SPEF2: variants seen among roughly 807,000 people sequenced by gnomAD.
SPEF2 encodes the protein sperm flagellar and cilia associated 2.
Under a neutral mutation model 224.6 loss-of-function variants are expected in SPEF2, and 187 were observed. The ratio of observed to expected loss-of-function variants is 0.83; its 90% confidence interval spans 0.74 to 0.94. The LOEUF (loss-of-function observed/expected upper bound fraction) is 0.94, where lower values mean the gene tolerates loss of function less well. Among genes scored for constraint, SPEF2 ranks in the 40% least tolerant of loss-of-function variants. The pLI is 0.00. For missense variants in SPEF2, 2,170 were observed against 2,135.6 expected (o/e 1.02, Z -0.32); for synonymous variants, 715 against 707.3 (o/e 1.01, Z -0.17).
rs1397489754 is a variant in SPEF2, at chr5:35,679,949, G to A, written c.1524+9722G>A. Among the ~76,000 whole-genome samples, 4 of 151,968 alleles carry A rather than the reference G, an allele frequency of 2.6e-5. No homozygotes were observed. The East Asian group carries it at 7.7e-4, about 29-fold the overall frequency. ...TGTGAATATAGTCAATGTTCTCAAGGGATTTATTTTTCCCTAAATGATGTT... is the reference window on the plus strand; with the variant it reads ...TGTGAATATAGTCAATGTTCTCAAGAGATTTATTTTTCCCTAAATGATGTT... On this transcript the variant is annotated intron_variant, in intron 10 of 36. Coordinates refer to ENST00000356031, the MANE Select transcript of SPEF2 (RefSeq NM_024867.4).
chr5:35,808,561 C>G (rs1758335294), intron 36 of SPEF2, among the ~76,000 whole-genome samples: 1 of 151,866 alleles, frequency 6.6e-6, no homozygotes, highest in Non-Finnish European at 1.5e-5. Flanking sequence ...CATCCATGTC[C>G]CTATGAAGGA....
rs944905969 is a variant in SPEF2 at position 35,622,255 on chromosome 5, C to A, written c.58+4200C>A. 3.9e-5 allele frequency among the ~76,000 whole-genome samples: 6 copies of A among 152,012 alleles called. 1 individual carries two copies. ...GAGTGATATTTTCTACTCTTTGTCC[C>A]AAAGTTGAGGGGTATCCTCTCATGC... On this transcript the variant is annotated intron_variant, in intron 1 of 36. Coordinates refer to ENST00000356031, the MANE Select transcript of SPEF2 (RefSeq NM_024867.4).
At chr5:35,696,724 G>A (rs1296938818) in intron 14 of SPEF2, among the ~76,000 whole-genome samples, 2 of 152,170 alleles carry the variant, frequency 1.3e-5, no homozygotes, top group Non-Finnish European at 2.9e-5. Context: ...TGAAGATGAT[G>A]ATGAGTGTCA....
chr5:35,647,358 T>C (rs886271824), intron 5 of SPEF2, among the ~76,000 whole-genome samples: 2 of 150,730 alleles, frequency 1.3e-5, no homozygotes, highest in African/African-American at 4.9e-5. Context: ...AGAGAGAAGG[T>C]GCCAGGTTCT....
At chr5:35,740,392 A>G (rs1747410094) in intron 23 of SPEF2, 125 bp downstream of exon 23, 1 of 1,253,270 alleles carries the variant, frequency 8.0e-7, no homozygotes, top group Non-Finnish European at 1.1e-6. Flanking sequence ...GGTTTGAACT[A>G]TTAACCAGGT....
chr5:35,703,982 G>GT (rs1739225652), intron 16 of SPEF2, among the ~76,000 whole-genome samples: 1 of 151,980 alleles, frequency 6.6e-6, no homozygotes, highest in Admixed American at 6.6e-5. Flanking sequence ...TTCTAAATTG[G>GT]TAAGTATTCT....
At chr5:35,742,458 T>C (rs534242052) in intron 23 of SPEF2, among the ~76,000 whole-genome samples, 12 of 152,186 alleles carry the variant, frequency 7.9e-5, no homozygotes, top group African/African-American at 2.2e-4. Context: ...TAACAGATTA[T>C]GCAAATATCA....
intron 6 of SPEF2, among the ~76,000 whole-genome samples, chr5:35,652,118 CA>C (rs1198749270): frequency 6.6e-6 from 1 of 152,034 alleles, no homozygotes; most frequent in Non-Finnish European, 1.5e-5. Context: ...GTCTGGCAAG[CA>C]AACAGATAAA....
chr5:35,766,654 T>C (rs2149769159), intron 26 of SPEF2, among the ~76,000 whole-genome samples: 2 of 152,004 alleles, frequency 1.3e-5, no homozygotes, highest in Non-Finnish European at 2.9e-5. Context: ...CTTTTCTTAA[T>C]ATCATATTTT....
intron 13 of SPEF2, among the ~76,000 whole-genome samples, 177 bp from the exon 14 acceptor site, chr5:35,695,558 G>T (rs986245326): frequency 3.9e-5 from 6 of 152,010 alleles, no homozygotes; most frequent in African/African-American, 1.4e-4. Flanking sequence ...GGATCTTAAT[G>T]GTGTGAGTGA....
intron 29 of SPEF2, 101 bp downstream of exon 29, chr5:35,776,496 A>T: frequency 7.1e-7 from 1 of 1,406,360 alleles, no homozygotes. Context: ...TTAGTTACAA[A>T]TATAAATTTT....
chr5:35,769,204 G>A (rs747553239), intron 26 of SPEF2, among the ~76,000 whole-genome samples: 22 of 151,976 alleles, frequency 1.4e-4, no homozygotes, highest in Non-Finnish European at 3.1e-4. Flanking sequence ...TGTTTACAAG[G>A]GAGAAAAATC....
intron 7 of SPEF2, among the ~76,000 whole-genome samples, chr5:35,656,318 G>A (rs948905281): frequency 6.6e-5 from 10 of 152,174 alleles, no homozygotes; most frequent in Non-Finnish European, 1.3e-4. Flanking sequence ...ATGAAGAAGT[G>A]AAATTTATTC....
chr5:35,751,798 A>T (rs1399210626), intron 23 of SPEF2, among the ~76,000 whole-genome samples: 1 of 152,208 alleles, frequency 6.6e-6, no homozygotes, highest in African/African-American at 2.4e-5. Flanking sequence ...TGGCTCTACC[A>T]CATTGAAATT....
At chr5:35,724,366 T>G (rs970626095) in intron 20 of SPEF2, among the ~76,000 whole-genome samples, 3 of 152,158 alleles carry the variant, frequency 2.0e-5, no homozygotes, top group African/African-American at 7.2e-5. Flanking sequence ...AATCTGTTTA[T>G]CAGACTGAAG....
At chr5:35,677,939 T>C (rs1752250309) in intron 10 of SPEF2, among the ~76,000 whole-genome samples, 1 of 152,210 alleles carries the variant, frequency 6.6e-6, no homozygotes, top group Non-Finnish European at 1.5e-5. Flanking sequence ...CTGCTGAGCT[T>C]TCTGAACTTC....
At chr5:35,681,756 AT>A (rs1300384664) in intron 10 of SPEF2, among the ~76,000 whole-genome samples, 5 of 152,120 alleles carry the variant, frequency 3.3e-5, no homozygotes, top group Admixed American at 6.5e-5. Flanking sequence ...TGTAGAATGC[AT>A]TTTTTTGTTT....
rs1450392090 is a variant in SPEF2 at position 35,686,921 on chromosome 5, AGTGT to A, written c.1525-4112_1525-4109del. Among the ~76,000 whole-genome samples the A allele has an allele frequency of 3.3e-5, 5 of 151,828 alleles. No homozygotes were observed. The East Asian group carries it at 9.6e-4, about 29-fold the overall frequency. On this transcript the variant is annotated intron_variant, in intron 10 of 36. Coordinates refer to ENST00000356031, the MANE Select transcript of SPEF2 (RefSeq NM_024867.4). ...TTTTGCTTTTGTTTTTTGTTTTTGA[AGTGT>A]GTGAGTGAATTATGTGTGTTTGTGT...
Position 35,618,017 on chromosome 5 carries a change from A to C in SPEF2, c.20A>C (p.Gln7Pro), listed in dbSNP as rs754462608. The change falls in exon 1 of 37, where the codon CAG becomes CCG. Residue 7 changes from glutamine (Q) to proline (P), a missense_variant. Gln to Pro is a moderately conservative substitution (Grantham distance 76, BLOSUM62 -1). Transcript: ENST00000356031. ...TGAACCATGTCGGAGATCCTGTGCC[A>C]GTGGCTCAACAAGGAGTTGAAGGTG... MSEILC[Q>P]WLNKELKVSR... is the part of the protein sequence containing the mutation. 7 of 1,586,018 alleles carry C rather than the reference A, an allele frequency of 4.4e-6. No individual in the cohort carries two copies. The Admixed American group carries it at 1.0e-4, about 23-fold the overall frequency.
Sources: allele counts gnomAD v4.1 joint callset (sites outside exome capture counted in the v4.1 genomes callset), GRCh38; gene constraint gnomAD v4.1.1; transcripts MANE v1.5; gene names NCBI Gene and HGNC (gene_info 2026-07-23, HGNC 2026-07-21).